CXCL13: variants seen among roughly 807,000 people sequenced by gnomAD.
CXCL13 encodes the protein C-X-C motif chemokine 13.
CXCL13 carries 7 observed loss-of-function variants against 12.2 expected under a neutral mutation model. The observed-to-expected ratio is 0.57, with a 90% CI of 0.33 to 1.07. CXCL13 has a LOEUF of 1.07. Ranked by LOEUF, CXCL13 falls within the 50% of genes least tolerant of loss-of-function variation. The probability of loss-of-function intolerance (pLI) is 0.04; values close to 1 mark genes in which losing one functional copy is unlikely to be tolerated. For missense variants in CXCL13, 113 were observed against 127.4 expected, an observed-to-expected ratio of 0.89 and a Z score of 0.55; for synonymous variants, 47 against 42.4, an observed-to-expected ratio of 1.11 and a Z score of -0.42.
At chr4:77,585,611 C>G (rs1030447757) in intron 1 of CXCL13, among the ~76,000 whole-genome samples, 6 of 152,196 alleles carry the variant, frequency 3.9e-5, no homozygotes, top group African/African-American at 1.2e-4. Flanking sequence ...ACACCAGTCT[C>G]AGAGAGACGC....
chr4:77,594,639 A>G (rs1578070305), intron 1 of CXCL13, among the ~76,000 whole-genome samples: 1 of 152,304 alleles, frequency 6.6e-6, no homozygotes, highest in Non-Finnish European at 1.5e-5. Context: ...AGTGAGGGCC[A>G]TGGGGCTCAT....
intron 1 of CXCL13, among the ~76,000 whole-genome samples, chr4:77,547,765 C>A (rs968276338): frequency 1.3e-5 from 2 of 152,048 alleles, no homozygotes; most frequent in Admixed American, 1.3e-4. Flanking sequence ...GTGAATTTGA[C>A]CCTGTCATTA....
chr4:77,530,403 T>C (rs1046892601), intron 1 of CXCL13, among the ~76,000 whole-genome samples: 1 of 152,140 alleles, frequency 6.6e-6, no homozygotes, highest in African/African-American at 2.4e-5. Context: ...ATCCATCTGG[T>C]CCTGGACTTT....
Position 77,611,584 on chromosome 4 carries a change from A to G in CXCL13, c.*545A>G. 1 of 398,196 alleles carries G rather than the reference A, an allele frequency of 2.5e-6. No homozygotes were observed. The highest frequency in any genetic ancestry group is 3.6e-5 in the East Asian group (1 of 28,070). 24.7% of individuals were successfully genotyped at this position (398,196 alleles called of 1,614,324 possible). On this transcript the variant is annotated 3_prime_UTR_variant, in exon 4 of 4. Transcript: ENST00000682537. ...TCCTACTTTTAAAGAATTTCTTTAT[A>G]AAATTTACTGTCTAAGATTAATAGC... is the stretch of plus-strand genomic sequence containing the variant.
intron 1 of CXCL13, among the ~76,000 whole-genome samples, chr4:77,551,582 C>T (rs1056416425): frequency 6.6e-6 from 1 of 152,160 alleles, no homozygotes; most frequent in Non-Finnish European, 1.5e-5. Context: ...TGACTACATG[C>T]CTTGATGACA....
chr4:77,544,287 G>A (rs1725296546), intron 1 of CXCL13, among the ~76,000 whole-genome samples: 1 of 152,126 alleles, frequency 6.6e-6, no homozygotes, highest in South Asian at 2.1e-4. Flanking sequence ...GGGTCAAATG[G>A]TATTTCTAGT....
At chr4:77,523,724 G>T (rs1365165031) in intron 1 of CXCL13, among the ~76,000 whole-genome samples, 2 of 152,188 alleles carry the variant, frequency 1.3e-5, no homozygotes, top group Admixed American at 6.5e-5. Context: ...ACTCATCAAA[G>T]TCATTCTCTG....
At chr4:77,580,431 ATTC>A (rs1172998681) in intron 1 of CXCL13, among the ~76,000 whole-genome samples, 1 of 143,894 alleles carries the variant, frequency 6.9e-6, no homozygotes, top group African/African-American at 2.6e-5. Flanking sequence ...GGTTCAAGCA[ATTC>A]TTCTGCCTCA....
In CXCL13 at chr4:77,546,439, T is replaced by A. The variant is rs143450344; in HGVS notation, c.-43+34651T>A. 4.4e-3 allele frequency among the ~76,000 whole-genome samples: 666 copies of A among 152,340 alleles called. 16 individuals carry two copies. The highest frequency in any genetic ancestry group is 0.026 in the East Asian group (137 of 5,194). ...TCAATTTCACAGCCTGTTATTGGTCTATTCAGGGATTCAACTTCTTCCTGG... is the reference window on the plus strand; with the variant it reads ...TCAATTTCACAGCCTGTTATTGGTCAATTCAGGGATTCAACTTCTTCCTGG... On this transcript the variant is annotated intron_variant, in intron 1 of 4. Coordinates refer to the CXCL13 transcript ENST00000286758.
At chr4:77,563,759 A>G (rs912280561) in intron 1 of CXCL13, among the ~76,000 whole-genome samples, 1 of 152,226 alleles carries the variant, frequency 6.6e-6, no homozygotes, top group Non-Finnish European at 1.5e-5. Context: ...TCTTCCTCAT[A>G]GGAATTCTCC....
At chr4:77,557,002 G>A (rs1159746811) in intron 1 of CXCL13, among the ~76,000 whole-genome samples, 1 of 152,052 alleles carries the variant, frequency 6.6e-6, no homozygotes, top group African/African-American at 2.4e-5. Flanking sequence ...GGGCTGCAGA[G>A]TGAGACCCAA....
At chr4:77,577,623 T>C (rs1726228559) in intron 1 of CXCL13, among the ~76,000 whole-genome samples, 1 of 151,994 alleles carries the variant, frequency 6.6e-6, no homozygotes, top group Non-Finnish European at 1.5e-5. Context: ...TGGGTCAGAG[T>C]GGATATTCCC....
At chr4:77,512,310 G>C (rs1724296456) in intron 1 of CXCL13, among the ~76,000 whole-genome samples, 1 of 152,160 alleles carries the variant, frequency 6.6e-6, no homozygotes, top group African/African-American at 2.4e-5. Flanking sequence ...AGGAAATGCA[G>C]AGTATCAAAG....
intron 1 of CXCL13, among the ~76,000 whole-genome samples, chr4:77,518,956 A>C (rs1311268909): frequency 6.6e-6 from 1 of 152,042 alleles, no homozygotes; most frequent in Non-Finnish European, 1.5e-5. Flanking sequence ...ATGGTGATGT[A>C]CAGATAGGTT....
chr4:77,543,174 G>A (rs1345457979), intron 1 of CXCL13, among the ~76,000 whole-genome samples: 1 of 151,738 alleles, frequency 6.6e-6, no homozygotes, highest in Non-Finnish European at 1.5e-5. Flanking sequence ...TAGTCTCTAA[G>A]GGCTTTTTGT....
chr4:77,592,604 A>G (rs1726640712), intron 1 of CXCL13, among the ~76,000 whole-genome samples: 1 of 150,422 alleles, frequency 6.6e-6, no homozygotes, highest in African/African-American at 2.5e-5. Context: ...TTGTCAATAT[A>G]TAATGAAATT....
At chr4:77,523,159 A>C (rs1362379986) in intron 1 of CXCL13, among the ~76,000 whole-genome samples, 1 of 151,776 alleles carries the variant, frequency 6.6e-6, no homozygotes, top group African/African-American at 2.4e-5. Flanking sequence ...CATCATTTCA[A>C]CCTTGGTGAA....
intron 1 of CXCL13, among the ~76,000 whole-genome samples, chr4:77,512,994 G>A (rs1260226420): frequency 6.6e-6 from 1 of 152,076 alleles, no homozygotes; most frequent in Non-Finnish European, 1.5e-5. Context: ...TGTTCTCATA[G>A]TTTAATTCCC....
intron 1 of CXCL13, among the ~76,000 whole-genome samples, chr4:77,519,501 CT>C (rs1293682584): frequency 6.6e-6 from 1 of 152,152 alleles, no homozygotes; most frequent in African/African-American, 2.4e-5. Context: ...TGTCTGTTGG[CT>C]GCATAAATGT....
Sources: allele counts gnomAD v4.1 joint callset (sites outside exome capture counted in the v4.1 genomes callset), GRCh38; gene constraint gnomAD v4.1.1; transcripts MANE v1.5; gene names NCBI Gene and HGNC (gene_info 2026-07-23, HGNC 2026-07-21).